The following CACNA2D3 variants were observed in gnomAD, a reference collection of about 807,000 sequenced individuals.
CACNA2D3 encodes voltage-dependent calcium channel subunit alpha-2/delta-3.
A neutral mutation model predicts 160.6 loss-of-function variants in CACNA2D3; 60 were observed. The ratio of observed to expected loss-of-function variants is 0.37; its 90% CI spans 0.30 to 0.46. The LOEUF is 0.46. CACNA2D3 is among the 20% of genes least tolerant of loss of function. CACNA2D3 has a pLI of 1.00. For missense variants in CACNA2D3, 1,205 were observed against 1,365.0 expected, an observed-to-expected ratio of 0.88 and a Z score of 1.85; for synonymous variants, 558 against 492.9, an observed-to-expected ratio of 1.13 and a Z score of -1.75.
chr3:54,130,605 A>G (rs150213552), intron 2 of CACNA2D3, among the ~76,000 whole-genome samples: 2 of 152,188 alleles, frequency 1.3e-5, no homozygotes, highest in East Asian at 1.9e-4. Context: ...CATTCACCCC[A>G]TTTTACAGAT....
intron 30 of CACNA2D3, among the ~76,000 whole-genome samples, chr3:54,985,684 A>C (rs1702598793): frequency 6.6e-6 from 1 of 152,240 alleles, no homozygotes; most frequent in Non-Finnish European, 1.5e-5. Context: ...ATTCTTTAGT[A>C]GTCAGCAGTA....
At chr3:54,960,076 C>CAA (rs10716957) in intron 27 of CACNA2D3, among the ~76,000 whole-genome samples, 11 of 81,990 alleles carry the variant, frequency 1.3e-4, no homozygotes, top group Admixed American at 2.8e-4. Context: ...TCTGACAGGA[C>CAA]AAAAAAAAAA....
chr3:54,243,685 G>A (rs961571242), intron 2 of CACNA2D3, among the ~76,000 whole-genome samples: 8 of 152,186 alleles, frequency 5.3e-5, no homozygotes, highest in African/African-American at 1.9e-4. Flanking sequence ...TATACATACA[G>A]CGTCCTGGAG....
chr3:54,134,187 G>A (rs570595881), intron 2 of CACNA2D3, among the ~76,000 whole-genome samples: 5 of 152,296 alleles, frequency 3.3e-5, no homozygotes, highest in African/African-American at 1.2e-4. Context: ...ATTTTGCTTG[G>A]AGTGAGTCTT....
At chr3:54,919,076 T>G (rs1700757431) in intron 27 of CACNA2D3, among the ~76,000 whole-genome samples, 1 of 152,052 alleles carries the variant, frequency 6.6e-6, no homozygotes, top group African/African-American at 2.4e-5. Flanking sequence ...GGCTAAATAC[T>G]AAAAATGCCA....
intron 28 of CACNA2D3, among the ~76,000 whole-genome samples, chr3:54,969,091 TTTAAA>T (rs1702217218): frequency 6.6e-6 from 1 of 152,166 alleles, no homozygotes; most frequent in African/African-American, 2.4e-5. Context: ...CTTATCATCC[TTTAAA>T]TTAAGATACT....
At chr3:54,818,862 GT>G (rs1703521214) in intron 14 of CACNA2D3, among the ~76,000 whole-genome samples, 1 of 152,204 alleles carries the variant, frequency 6.6e-6, no homozygotes, top group African/African-American at 2.4e-5. Flanking sequence ...ATGCGACATG[GT>G]TTCAGAACAC....
intron 2 of CACNA2D3, among the ~76,000 whole-genome samples, chr3:54,242,397 C>T (rs1052447083): frequency 2.6e-5 from 4 of 152,110 alleles, no homozygotes; most frequent in African/African-American, 9.7e-5. Flanking sequence ...GAGCTGAGAT[C>T]GTGCCACTGC....
chr3:55,052,996 A>G (rs937339655), intron 35 of CACNA2D3, among the ~76,000 whole-genome samples: 1 of 152,246 alleles, frequency 6.6e-6, no homozygotes, highest in Middle Eastern at 3.4e-3. Context: ...AACTTGCCAC[A>G]TATTTAATGT....
intron 35 of CACNA2D3, among the ~76,000 whole-genome samples, chr3:55,052,057 C>G (rs549418940): frequency 6.6e-6 from 1 of 152,196 alleles, no homozygotes; most frequent in African/African-American, 2.4e-5. Context: ...GCCGAAATGA[C>G]TGTCTTCTGC....
At chr3:54,935,784 A>G (rs1202725046) in intron 27 of CACNA2D3, among the ~76,000 whole-genome samples, 1 of 152,242 alleles carries the variant, frequency 6.6e-6, no homozygotes, top group African/African-American at 2.4e-5. Flanking sequence ...ATGAAGCAAT[A>G]ACAAGTCTGT....
At chr3:54,792,013 A>G (rs373836430) in intron 13 of CACNA2D3, among the ~76,000 whole-genome samples, 5 of 152,212 alleles carry the variant, frequency 3.3e-5, no homozygotes, top group African/African-American at 9.6e-5. Context: ...AACACCATTC[A>G]CTATGGTAAA....
chr3:54,380,061 A>T (rs1575424022), intron 3 of CACNA2D3, among the ~76,000 whole-genome samples: 1 of 152,358 alleles, frequency 6.6e-6, no homozygotes, highest in East Asian at 1.9e-4. Flanking sequence ...TCTCAACACC[A>T]GAAGGAATGA....
At chr3:55,038,556 G>A (rs1419461025) in intron 35 of CACNA2D3, among the ~76,000 whole-genome samples, 1 of 152,020 alleles carries the variant, frequency 6.6e-6, no homozygotes, top group Non-Finnish European at 1.5e-5. Flanking sequence ...ATATTAATAT[G>A]CACTCACAGG....
At position 54,374,861 on chromosome 3, in the gene CACNA2D3, T is replaced by A. The variant is rs180960417; in HGVS notation, c.322-11854T>A. On this transcript the variant is annotated intron_variant, in intron 3 of 37. Transcript: ENST00000474759. ...TCTCGTTATTGTCTTGGATCACCTT[T>A]TGCTCATTTGAGAACATCTAGATAA... 3.4e-4 allele frequency among the ~76,000 whole-genome samples: 52 copies of A among 152,322 alleles called. No individual in the cohort carries two copies. The Middle Eastern group carries it at 0.014, about 40-fold the overall frequency.
At chr3:54,967,953 TA>T (rs1702186784) in intron 27 of CACNA2D3, among the ~76,000 whole-genome samples, 1 of 152,180 alleles carries the variant, frequency 6.6e-6, no homozygotes, top group Non-Finnish European at 1.5e-5. Context: ...GGAGGCCAGT[TA>T]AACTAAGACA....
chr3:54,961,755 A>G (rs1288863006), intron 27 of CACNA2D3, among the ~76,000 whole-genome samples: 2 of 152,192 alleles, frequency 1.3e-5, no homozygotes, highest in Non-Finnish European at 2.9e-5. Flanking sequence ...CTGAGTATGC[A>G]TGAATGATCA....
At chr3:54,666,150 T>C (rs898241821) in intron 11 of CACNA2D3, among the ~76,000 whole-genome samples, 1 of 152,170 alleles carries the variant, frequency 6.6e-6, no homozygotes, top group African/African-American at 2.4e-5. Flanking sequence ...AGGGTTTGCC[T>C]CCTAATAATT....
At chr3:54,339,852 G>A (rs916427212) in intron 3 of CACNA2D3, among the ~76,000 whole-genome samples, 1 of 152,186 alleles carries the variant, frequency 6.6e-6, no homozygotes, top group African/African-American at 2.4e-5. Flanking sequence ...TAATTACAGG[G>A]TGGAAAGTCA....
Sources: allele counts gnomAD v4.1 joint callset (sites outside exome capture counted in the v4.1 genomes callset), GRCh38; gene constraint gnomAD v4.1.1; transcripts MANE v1.5; gene names NCBI Gene and HGNC (gene_info 2026-07-23, HGNC 2026-07-21).